The following RAP1A variants were observed in gnomAD, a reference collection of about 807,000 sequenced individuals.
RAP1A encodes the protein ras-related protein Rap-1A.
RAP1A carries 6 observed loss-of-function variants against 26.4 expected under a neutral mutation model. The ratio of observed to expected loss-of-function variants is 0.23; its 90% confidence interval spans 0.12 to 0.45. The LOEUF (loss-of-function observed/expected upper bound fraction) is 0.45, where lower values mean the gene tolerates loss of function less well. Among genes scored for constraint, RAP1A ranks in the 20% least tolerant of loss-of-function variants. The probability of loss-of-function intolerance (pLI) is 0.99; values close to 1 mark genes in which losing one functional copy is unlikely to be tolerated. For synonymous variants in RAP1A, 73 were observed against 79.4 expected (o/e 0.92, Z 0.43); for missense variants, 121 against 217.2 (o/e 0.56, Z 2.78).
chr1:111,664,475 T>A (rs1467516854), intron 1 of RAP1A, among the ~76,000 whole-genome samples: 1 of 151,712 alleles, frequency 6.6e-6, no homozygotes, highest in African/African-American at 2.4e-5. Context: ...CCACCTAGAC[T>A]TTTTTTTAAA....
chr1:111,708,655 A>G (rs748079193), intron 6 of RAP1A, among the ~76,000 whole-genome samples: 6 of 152,236 alleles, frequency 3.9e-5, no homozygotes, highest in African/African-American at 7.2e-5. Flanking sequence ...CTCAAGTGCA[A>G]TAACTATAAC....
At chr1:111,712,051 C>T (rs947458897) in intron 7 of RAP1A, among the ~76,000 whole-genome samples, 1 of 151,762 alleles carries the variant, frequency 6.6e-6, no homozygotes, top group African/African-American at 2.4e-5. Context: ...GCAGGTGTGT[C>T]CTTCAGTAAA....
intron 1 of RAP1A, among the ~76,000 whole-genome samples, chr1:111,645,221 T>A (rs1660028151): frequency 6.6e-6 from 1 of 152,094 alleles, no homozygotes; most frequent in Admixed American, 6.5e-5. Context: ...GACTTATAGG[T>A]TTTTAGCTTG....
In RAP1A at chr1:111,571,593, TA is replaced by T. The variant is rs1172774722; in HGVS notation, c.-28+29087del. On this transcript the variant is annotated intron_variant, in intron 1 of 7. Transcript: ENST00000356415. ...CTTGACTTGAACAAGAGACTAAAAC[TA>T]AATATATTTTTTATTGTACCACAAT... 3.9e-5 allele frequency among the ~76,000 whole-genome samples: 6 copies of T among 152,324 alleles called. No homozygotes were observed. The East Asian group carries it at 1.2e-3, about 29-fold the overall frequency.
chr1:111,585,292 C>A (rs1477138357), intron 1 of RAP1A, among the ~76,000 whole-genome samples: 1 of 152,160 alleles, frequency 6.6e-6, no homozygotes, highest in Non-Finnish European at 1.5e-5. Flanking sequence ...TTAAAACTGT[C>A]TCGTGTGTCT....
chr1:111,558,238 C>G (rs957293693), intron 1 of RAP1A, among the ~76,000 whole-genome samples: 4 of 152,050 alleles, frequency 2.6e-5, no homozygotes, highest in African/African-American at 9.7e-5. Context: ...AGTGCAGTGG[C>G]GCAATCTTGG....
upstream of RAP1A, chr1:111,542,195 T>C: frequency 1.8e-6 from 1 of 542,768 alleles, no homozygotes; most frequent in Admixed American, 1.9e-5. Flanking sequence ...GAAGATCGTT[T>C]AGACCAGCTT....
At chr1:111,602,616 TCTA>T (rs1444519177) in intron 1 of RAP1A, among the ~76,000 whole-genome samples, 2 of 152,312 alleles carry the variant, frequency 1.3e-5, no homozygotes, top group East Asian at 3.9e-4. Flanking sequence ...GAAACAAACA[TCTA>T]CTGCTCTAAC....
At chr1:111,688,725 C>T (rs1661571570) in intron 1 of RAP1A, among the ~76,000 whole-genome samples, 1 of 149,920 alleles carries the variant, frequency 6.7e-6, no homozygotes, top group Admixed American at 6.6e-5. Flanking sequence ...TATTGTGCCT[C>T]GTTGTGGTTT....
At chr1:111,583,170 T>C (rs554697793) in intron 1 of RAP1A, among the ~76,000 whole-genome samples, 1 of 152,090 alleles carries the variant, frequency 6.6e-6, no homozygotes, top group East Asian at 1.9e-4. Context: ...CCAATGTCTT[T>C]CCCTGTCCTG....
At chr1:111,554,660 C>T (rs1571462646) in intron 1 of RAP1A, among the ~76,000 whole-genome samples, 1 of 152,182 alleles carries the variant, frequency 6.6e-6, no homozygotes, top group East Asian at 1.9e-4. Context: ...AAAATAATGG[C>T]ACTTGGTACA....
intron 1 of RAP1A, among the ~76,000 whole-genome samples, chr1:111,682,765 C>T (rs34755241): frequency 6.6e-4 from 100 of 152,148 alleles, no homozygotes; most frequent in Non-Finnish European, 9.9e-4. Context: ...ATTAGATCAA[C>T]GAGACAGAAA....
intron 1 of RAP1A, among the ~76,000 whole-genome samples, chr1:111,635,795 A>G (rs1279412000): frequency 6.6e-6 from 1 of 151,776 alleles, no homozygotes; most frequent in Non-Finnish European, 1.5e-5. Context: ...TGAACTCCTG[A>G]CCTCTGACCT....
chr1:111,625,149 G>A (rs1659354038), intron 1 of RAP1A, among the ~76,000 whole-genome samples: 1 of 152,246 alleles, frequency 6.6e-6, no homozygotes, highest in African/African-American at 2.4e-5. Flanking sequence ...ATACTATTGG[G>A]TTAATTAAAA....
intron 6 of RAP1A, 108 bp from the exon 7 acceptor site, chr1:111,709,041 G>T: frequency 7.4e-7 from 1 of 1,349,992 alleles, no homozygotes; most frequent in Non-Finnish European, 9.7e-7. Flanking sequence ...TTAAAAGAAA[G>T]AAGCAGAATG....
intron 1 of RAP1A, among the ~76,000 whole-genome samples, chr1:111,685,847 C>T (rs533035909): frequency 6.7e-6 from 1 of 149,002 alleles, no homozygotes; most frequent in South Asian, 2.1e-4. Context: ...CAGCATTATT[C>T]ACAATAGCAG....
At chr1:111,707,284 A>G (rs1170034097) in intron 6 of RAP1A, among the ~76,000 whole-genome samples, 1 of 152,202 alleles carries the variant, frequency 6.6e-6, no homozygotes, top group African/African-American at 2.4e-5. Flanking sequence ...GAAATAGGTA[A>G]TTATCATTTT....
intron 1 of RAP1A, among the ~76,000 whole-genome samples, chr1:111,652,064 C>G (rs533122340): frequency 6.6e-6 from 1 of 152,182 alleles, no homozygotes; most frequent in East Asian, 1.9e-4. Context: ...ACCTCAGCCT[C>G]CCAGGTTCAA....
chr1:111,548,941 C>T (rs568208128), intron 1 of RAP1A, among the ~76,000 whole-genome samples: 1 of 152,300 alleles, frequency 6.6e-6, no homozygotes, highest in African/African-American at 2.4e-5. Flanking sequence ...AGATCTTGTT[C>T]AGACATGTTA....
Sources: gnomAD v4.1 joint callset for allele counts (sites outside exome capture counted in the v4.1 genomes callset) on GRCh38, gnomAD v4.1.1 for gene constraint, MANE v1.5 for transcripts, NCBI Gene and HGNC (gene_info 2026-07-23, HGNC 2026-07-21) for gene names.